NAV3: variants seen among roughly 807,000 people sequenced by gnomAD.
NAV3 encodes the protein pore membrane and/or filament interacting like protein 1.
A neutral mutation model predicts 244.7 loss-of-function variants in NAV3; 87 were observed. The ratio of observed to expected loss-of-function variants is 0.36; its 90% CI spans 0.30 to 0.42. NAV3 has a LOEUF of 0.42. Ranked by LOEUF, NAV3 falls within the 20% of genes least tolerant of loss-of-function variation. The pLI is 1.00. For missense variants in NAV3, 2,663 were observed against 2,893.3 expected (o/e 0.92, Z 1.83); for synonymous variants, 1,126 against 1,042.2 (o/e 1.08, Z -1.55).
intron 3 of NAV3, among the ~76,000 whole-genome samples, chr12:77,957,689 G>C (rs1041791029): frequency 1.3e-4 from 20 of 151,562 alleles, no homozygotes; most frequent in African/African-American, 4.4e-4. Flanking sequence ...TTTTGAGACA[G>C]AGTCTTGCTC....
chr12:78,095,062 T>TACAC (rs1184897618), intron 12 of NAV3, among the ~76,000 whole-genome samples: 2 of 111,746 alleles, frequency 1.8e-5, no homozygotes, highest in Non-Finnish European at 4.4e-5. Context: ...TATATATATA[T>TACAC]ATACACACAC....
chr12:77,912,677 C>CTAGA (rs1359305670), intron 1 of NAV3, among the ~76,000 whole-genome samples: 2 of 150,452 alleles, frequency 1.3e-5, no homozygotes, highest in Non-Finnish European at 1.5e-5. Flanking sequence ...GTGGCCCAGG[C>CTAGA]TAGAGTGCAA....
intron 12 of NAV3, among the ~76,000 whole-genome samples, chr12:78,076,346 T>C (rs549022734): frequency 6.6e-6 from 1 of 152,312 alleles, no homozygotes; most frequent in East Asian, 1.9e-4. Context: ...CAAAACCTCA[T>C]AGACTCAGTG....
intron 2 of NAV3, among the ~76,000 whole-genome samples, chr12:77,610,337 T>C (rs574360329): frequency 4.4e-4 from 67 of 152,210 alleles, no homozygotes; most frequent in Non-Finnish European, 7.1e-4. Context: ...TAAGTACACC[T>C]TTTACTTAAT....
intron 9 of NAV3, among the ~76,000 whole-genome samples, chr12:78,037,604 A>G (rs7131875): frequency 0.08 from 12,218 of 152,070 alleles, 591 homozygotes; most frequent in South Asian, 0.19. Flanking sequence ...TCATTTGGAG[A>G]AAATAAATTC....
intron 34 of NAV3, among the ~76,000 whole-genome samples, chr12:78,190,697 A>T (rs1448752): frequency 0.54 from 82,404 of 151,874 alleles, 22,779 homozygotes; most frequent in East Asian, 0.83. Flanking sequence ...TGGGAGCAGC[A>T]ATTTGCTTAT....
chr12:78,180,025 T>C (rs749971639), intron 29 of NAV3, among the ~76,000 whole-genome samples: 7 of 152,170 alleles, frequency 4.6e-5, no homozygotes, highest in Non-Finnish European at 7.4e-5. Context: ...TTTTGCCTGT[T>C]CTTTTGAAAT....
At chr12:78,187,330 A>G (rs1375508512) in intron 31 of NAV3, among the ~76,000 whole-genome samples, 1 of 151,922 alleles carries the variant, frequency 6.6e-6, no homozygotes, top group African/African-American at 2.4e-5. Context: ...TATAGAATCC[A>G]TATCTTCTAA....
intron 2 of NAV3, among the ~76,000 whole-genome samples, chr12:77,657,307 C>T (rs2137017769): frequency 6.6e-6 from 1 of 152,240 alleles, no homozygotes; most frequent in South Asian, 2.1e-4. Context: ...TACAAACTAC[C>T]ATCAGAGAAT....
intron 2 of NAV3, among the ~76,000 whole-genome samples, chr12:77,602,594 G>A (rs746563946): frequency 1.3e-5 from 2 of 151,872 alleles, no homozygotes; most frequent in Non-Finnish European, 2.9e-5. Flanking sequence ...TAGGTGCAGA[G>A]AGCCAATAAA....
chr12:77,601,692 G>A (rs1295288848), intron 2 of NAV3, among the ~76,000 whole-genome samples: 1 of 151,970 alleles, frequency 6.6e-6, no homozygotes, highest in Non-Finnish European at 1.5e-5. Context: ...TTTTGATGCA[G>A]AGGAGTCAAA....
At chr12:77,743,824 C>A (rs1238344180) in intron 2 of NAV3, among the ~76,000 whole-genome samples, 3 of 151,640 alleles carry the variant, frequency 2.0e-5, no homozygotes, top group Non-Finnish European at 3.0e-5. Context: ...TCTCCATAAT[C>A]ATTTGCTGTG....
At position 77,677,954 on chromosome 12, in the gene NAV3, A is replaced by G. The variant is rs548411313; in HGVS notation, c.72+105688A>G. Reference sequence around the variant, plus strand: ...ATAGATTTTTTTTCACAGATTTATTAAAATTGAAATAATTTTTTTCTTACA... The same window carrying G: ...ATAGATTTTTTTTCACAGATTTATTGAAATTGAAATAATTTTTTTCTTACA... On this transcript the variant is annotated intron_variant, in intron 2 of 8. Coordinates refer to the NAV3 transcript ENST00000550042. Among the ~76,000 whole-genome samples the G allele has an allele frequency of 1.9e-3, 294 of 152,292 alleles. 4 individuals are homozygous for G. Among genetic ancestry groups the G allele is most frequent in the South Asian group, 3.3e-3 (16 of 4,834 alleles).
At chr12:77,716,338 A>G (rs989714678) in intron 2 of NAV3, among the ~76,000 whole-genome samples, 6 of 151,696 alleles carry the variant, frequency 4.0e-5, no homozygotes, top group African/African-American at 1.5e-4. Context: ...TGTGCTAGAT[A>G]TAAAAAGAAT....
intron 1 of NAV3, among the ~76,000 whole-genome samples, chr12:77,867,700 G>A (rs1231088554): frequency 6.6e-6 from 1 of 152,140 alleles, no homozygotes; most frequent in Non-Finnish European, 1.5e-5. Flanking sequence ...GATTACAGGC[G>A]TGAACCACCG....
intron 2 of NAV3, among the ~76,000 whole-genome samples, chr12:77,720,185 C>G (rs1478775646): frequency 6.6e-6 from 1 of 151,182 alleles, no homozygotes; most frequent in Non-Finnish European, 1.5e-5. Context: ...CTCTCTTTAA[C>G]CTGGCTAATG....
At chr12:78,095,841 T>C (rs1954221847) in intron 12 of NAV3, among the ~76,000 whole-genome samples, 1 of 152,172 alleles carries the variant, frequency 6.6e-6, no homozygotes, top group South Asian at 2.1e-4. Flanking sequence ...ATCCCACCCA[T>C]GTTTGCACAA....
At chr12:78,176,384 G>C in intron 25 of NAV3, 55 bp from the exon 26 acceptor site, 1 of 1,570,238 alleles carries the variant, frequency 6.4e-7, no homozygotes, top group Non-Finnish European at 8.7e-7. Flanking sequence ...TTAAAATACT[G>C]ATCAGCCTTC....
Position 78,050,009 on chromosome 12 carries a change from A to G in NAV3, c.2040A>G (p.Thr680=). ...CTTTCCTAGGTGAAGACCCTGAAACAAGAAGAATGAGAACAGTTAAAAACA... is the reference window on the plus strand; with the variant it reads ...CTTTCCTAGGTGAAGACCCTGAAACGAGAAGAATGAGAACAGTTAAAAACA... ...LEEISGEDPE[T]RRMRTVKNIA... is the part of the protein sequence containing the mutation. Residue 680 remains threonine (T), a synonymous_variant, in exon 10 of 40, where the codon ACA becomes ACG. Coordinates refer to ENST00000397909, the MANE Select transcript of NAV3 (RefSeq NM_001024383.2). The G allele has an allele frequency of 1.2e-6, 2 of 1,610,840 alleles. No individual in the cohort carries two copies. Among genetic ancestry groups the G allele is most frequent in the Non-Finnish European group, 1.7e-6 (2 of 1,179,122 alleles).
Sources: gnomAD v4.1 joint callset for allele counts (sites outside exome capture counted in the v4.1 genomes callset) on GRCh38, gnomAD v4.1.1 for gene constraint, MANE v1.5 for transcripts, NCBI Gene and HGNC (gene_info 2026-07-23, HGNC 2026-07-21) for gene names.